The following ANKFN1 variants were observed in gnomAD, a reference collection of about 807,000 sequenced individuals.
The protein encoded by ANKFN1 is ankyrin repeat and fibronectin type III domain containing 1.
Under a neutral mutation model 108.7 loss-of-function variants are expected in ANKFN1, and 74 were observed. The ratio of observed to expected loss-of-function variants is 0.68; its 90% CI spans 0.56 to 0.83. The LOEUF (loss-of-function observed/expected upper bound fraction) is 0.83, where lower values mean the gene tolerates loss of function less well. Ranked by LOEUF, ANKFN1 falls within the 40% of genes least tolerant of loss-of-function variation. The probability of loss-of-function intolerance (pLI) is 0.00; values close to 1 mark genes in which losing one functional copy is unlikely to be tolerated. For synonymous variants in ANKFN1, 547 were observed against 516.2 expected (o/e 1.06, Z -0.81); for missense variants, 1,505 against 1,382.3 (o/e 1.09, Z -1.41).
chr17:56,083,419 T>C (rs1043692235), intron 4 of ANKFN1, among the ~76,000 whole-genome samples: 5 of 151,120 alleles, frequency 3.3e-5, no homozygotes, highest in Non-Finnish European at 7.4e-5. Flanking sequence ...TTCTCCACAC[T>C]CCCTCCTACT....
intron 3 of ANKFN1, among the ~76,000 whole-genome samples, chr17:56,288,548 A>T (rs1002429065): frequency 1.3e-5 from 2 of 152,164 alleles, no homozygotes; most frequent in African/African-American, 4.8e-5. Flanking sequence ...GTTGGAGACA[A>T]TGATGATAGT....
chr17:56,470,461 A>C (rs919758180), intron 15 of ANKFN1, among the ~76,000 whole-genome samples: 1 of 152,040 alleles, frequency 6.6e-6, no homozygotes, highest in Non-Finnish European at 1.5e-5. Context: ...TGTTTCTTGA[A>C]TTTGTATTAA....
At chr17:56,316,225 T>C (rs747601772) in intron 3 of ANKFN1, among the ~76,000 whole-genome samples, 1 of 152,206 alleles carries the variant, frequency 6.6e-6, no homozygotes, top group Non-Finnish European at 1.5e-5. Flanking sequence ...ATTATTATGC[T>C]TGAATGTGCA....
chr17:56,515,089 A>G lies in ANKFN1; in HGVS notation c.*3820A>G, dbSNP rs2051881312. Among the ~76,000 whole-genome samples the G allele has an allele frequency of 6.6e-6, 1 of 152,020 alleles. No individual in the cohort carries two copies. Among genetic ancestry groups the G allele is most frequent in the Non-Finnish European group, 1.5e-5 (1 of 67,986 alleles). On this transcript the variant is annotated 3_prime_UTR_variant, in exon 21 of 21. Transcript: ENST00000682825. ...CTTAACAGCTTAAGTGAGTTCTCCA[A>G]GAGAAGGTATGTCTGCAACGCATTT...
upstream of ANKFN1, among the ~76,000 whole-genome samples, chr17:56,152,258 A>ATGTGTGTGTGTG (rs1211660209): frequency 5.9e-5 from 5 of 84,458 alleles, no homozygotes; most frequent in African/African-American, 1.4e-4. Flanking sequence ...ATATATATAT[A>ATGTGTGTGTGTG]TATATGTGTG....
intron 1 of ANKFN1, among the ~76,000 whole-genome samples, chr17:56,210,640 G>A (rs1567839693): frequency 6.6e-6 from 1 of 152,120 alleles, no homozygotes. Context: ...CCATTCTCAT[G>A]CTGCTATGAA....
chr17:56,445,514 G>A (rs192631169), intron 10 of ANKFN1, among the ~76,000 whole-genome samples: 2 of 152,296 alleles, frequency 1.3e-5, no homozygotes, highest in East Asian at 3.9e-4. Context: ...AACTGGCAAA[G>A]AACTGAAATC....
intron 8 of ANKFN1, among the ~76,000 whole-genome samples, chr17:56,406,323 A>G (rs2047920011): frequency 6.6e-6 from 1 of 152,182 alleles, no homozygotes; most frequent in South Asian, 2.1e-4. Flanking sequence ...GGAGAAAACA[A>G]TACAGTAAGC....
intron 16 of ANKFN1, among the ~76,000 whole-genome samples, chr17:56,479,955 G>C (rs2050637944): frequency 6.6e-6 from 1 of 152,236 alleles, no homozygotes; most frequent in African/African-American, 2.4e-5. Flanking sequence ...TCCTTTTGAA[G>C]AGCAGCCTTT....
At chr17:56,400,613 T>G (rs2047732178) in intron 8 of ANKFN1, among the ~76,000 whole-genome samples, 1 of 152,208 alleles carries the variant, frequency 6.6e-6, no homozygotes, top group African/African-American at 2.4e-5. Context: ...GCTGTTTATC[T>G]TTGTTTTTAT....
At chr17:56,181,838 C>A (rs1181616320) in intron 1 of ANKFN1, among the ~76,000 whole-genome samples, 1 of 152,078 alleles carries the variant, frequency 6.6e-6, no homozygotes, top group African/African-American at 2.4e-5. Flanking sequence ...TTTGTGACAA[C>A]CCTGCAGTGA....
intron 3 of ANKFN1, among the ~76,000 whole-genome samples, chr17:56,310,055 G>GT (rs1282330941): frequency 6.6e-6 from 1 of 152,134 alleles, no homozygotes; most frequent in African/African-American, 2.4e-5. Flanking sequence ...CAGTAGTTAG[G>GT]TATCAGGAGC....
intron 4 of ANKFN1, among the ~76,000 whole-genome samples, chr17:56,100,946 C>T (rs1905635307): frequency 6.6e-6 from 1 of 152,144 alleles, no homozygotes; most frequent in African/African-American, 2.4e-5. Context: ...CTGAAATTCA[C>T]ATGTTGAAAT....
intron 4 of ANKFN1, among the ~76,000 whole-genome samples, chr17:56,146,715 GC>G (rs1264296629): frequency 1.3e-5 from 2 of 152,264 alleles, no homozygotes; most frequent in South Asian, 4.2e-4. Flanking sequence ...GAGGCCCTGG[GC>G]CCTGGGCCAG....
chr17:56,273,301 C>A (rs1411590970), intron 3 of ANKFN1, among the ~76,000 whole-genome samples: 1 of 151,982 alleles, frequency 6.6e-6, no homozygotes, highest in Non-Finnish European at 1.5e-5. Flanking sequence ...GTATACTATA[C>A]CCAGTACTAT....
chr17:56,223,546 T>C (rs1916038954), intron 2 of ANKFN1, among the ~76,000 whole-genome samples: 2 of 152,010 alleles, frequency 1.3e-5, no homozygotes, highest in African/African-American at 2.4e-5. Context: ...AAAATTCCAA[T>C]ACCGTAGGAG....
intron 8 of ANKFN1, among the ~76,000 whole-genome samples, chr17:56,413,383 A>G (rs1396320145): frequency 1.3e-5 from 2 of 152,058 alleles, no homozygotes; most frequent in Non-Finnish European, 2.9e-5. Context: ...GGACAGTTTG[A>G]CTTCCTCTCC....
chr17:56,091,005 T>C (rs1468358167), intron 4 of ANKFN1, among the ~76,000 whole-genome samples: 2 of 151,340 alleles, frequency 1.3e-5, no homozygotes, highest in African/African-American at 4.9e-5. Flanking sequence ...GACACACTTG[T>C]GAACAATTGT....
At chr17:56,049,525 A>G (rs59161001) in intron 4 of ANKFN1, among the ~76,000 whole-genome samples, 17,045 of 150,872 alleles carry the variant, frequency 0.11, 2,081 homozygotes, top group African/African-American at 0.32. Flanking sequence ...ATATCTCCCA[A>G]TGCTATCCCT....
Sources: allele counts gnomAD v4.1 joint callset (sites outside exome capture counted in the v4.1 genomes callset), GRCh38; gene constraint gnomAD v4.1.1; transcripts MANE v1.5; gene names NCBI Gene and HGNC (gene_info 2026-07-23, HGNC 2026-07-21).